FMO2: variants seen among roughly 807,000 people sequenced by gnomAD.
The protein encoded by FMO2 is flavin-containing monooxygenase 2.
Under a neutral mutation model 41.6 loss-of-function variants are expected in FMO2, and 33 were observed. That is an observed-to-expected ratio of 0.79 (90% confidence interval 0.60 to 1.06). The LOEUF (loss-of-function observed/expected upper bound fraction) is 1.06, where lower values mean the gene tolerates loss of function less well. Among genes scored for constraint, FMO2 ranks in the 50% least tolerant of loss-of-function variants. The probability of loss-of-function intolerance (pLI) is 0.00; values close to 1 mark genes in which losing one functional copy is unlikely to be tolerated. For missense variants in FMO2, 619 were observed against 632.9 expected, an observed-to-expected ratio of 0.98 and a Z score of 0.23; for synonymous variants, 214 against 219.6, an observed-to-expected ratio of 0.97 and a Z score of 0.23.
chr1:171,208,709 CATTCCTTT>C (rs1452985855), intron 8 of FMO2, 77 bp from the exon 9 acceptor site: 1 of 1,270,462 alleles, frequency 7.9e-7, no homozygotes, highest in Non-Finnish European at 1.1e-6. Context: ...CTCATTCCTT[CATTCCTTT>C]AGCAGTTTTG....
At position 171,190,874 on chromosome 1, in the gene FMO2, G is replaced by T. The variant is rs549736472; in HGVS notation, c.133-2461G>T. ...AAAAGTTTATCACTTGGCTGGGCGC[G>T]GTGGCTCACGCCTGTAATCCCAGCA... On this transcript the variant is annotated intron_variant, in intron 2 of 8. Coordinates refer to ENST00000209929, the MANE Select transcript of FMO2 (RefSeq NM_001460.5). 1.1e-4 allele frequency among the ~76,000 whole-genome samples: 16 copies of T among 152,178 alleles called. No individual in the cohort carries two copies. The South Asian group carries it at 2.7e-3, about 26-fold the overall frequency.
chr1:171,194,889 T>C (rs1364287257), intron 3 of FMO2, among the ~76,000 whole-genome samples: 1 of 152,226 alleles, frequency 6.6e-6, no homozygotes, highest in East Asian at 1.9e-4. Context: ...TTGGTGAAAA[T>C]TTGTATTTAT....
At chr1:171,193,163 C>T (rs779875872) in intron 2 of FMO2, among the ~76,000 whole-genome samples, 172 bp from the exon 3 acceptor site, 1 of 152,162 alleles carries the variant, frequency 6.6e-6, no homozygotes, top group African/African-American at 2.4e-5. Flanking sequence ...AAACTGGTGT[C>T]GTCACAGAAT....
intron 2 of FMO2, among the ~76,000 whole-genome samples, chr1:171,190,517 T>C (rs1288974429): frequency 6.6e-6 from 1 of 152,206 alleles, no homozygotes; most frequent in Non-Finnish European, 1.5e-5. Flanking sequence ...TGATTGACAA[T>C]AAACCCTCTG....
At chr1:171,188,402 T>C (rs1017688160) in intron 2 of FMO2, among the ~76,000 whole-genome samples, 1 of 152,230 alleles carries the variant, frequency 6.6e-6, no homozygotes, top group Non-Finnish European at 1.5e-5. Context: ...GGGTTAAGTA[T>C]ATAACTGTGG....
chr1:171,190,037 A>G (rs1658016934), intron 2 of FMO2, among the ~76,000 whole-genome samples: 1 of 152,174 alleles, frequency 6.6e-6, no homozygotes, highest in African/African-American at 2.4e-5. Flanking sequence ...AAGCAAAAAT[A>G]TTGATTGGTA....
At chr1:171,197,473 C>G (rs1050495277) in intron 4 of FMO2, among the ~76,000 whole-genome samples, 1 of 152,188 alleles carries the variant, frequency 6.6e-6, no homozygotes, top group Non-Finnish European at 1.5e-5. Flanking sequence ...AATATACAGT[C>G]AGGATTAAGG....
chr1:171,204,877 T>C (rs1658689394), intron 6 of FMO2, among the ~76,000 whole-genome samples: 1 of 152,126 alleles, frequency 6.6e-6, no homozygotes, highest in Admixed American at 6.6e-5. Context: ...ATTTAGCAAA[T>C]TTTTTCTTAT....
chr1:171,205,437 C>T lies in FMO2; in HGVS notation c.986C>T (p.Thr329Ile), dbSNP rs758998237. ...EENIDVIIFA[T>I]GYSFSFPFLE... Reference sequence around the variant, plus strand: ...AACATTGATGTCATCATTTTTGCAACAGGATATAGTTTCTCTTTTCCCTTC... The same window carrying T: ...AACATTGATGTCATCATTTTTGCAATAGGATATAGTTTCTCTTTTCCCTTC... Residue 329 changes from threonine (T) to isoleucine (I), a missense_variant, in exon 7 of 9, where the codon ACA becomes ATA. Physicochemically the swap from Thr to Ile is moderately conservative, Grantham distance 89. Transcript: ENST00000209929. 8 of 1,613,850 alleles carry T rather than the reference C, an allele frequency of 5.0e-6. No individual in the cohort carries two copies. Among genetic ancestry groups the T allele is most frequent in the East Asian group, 2.2e-5 (1 of 44,866 alleles).
At chr1:171,199,763 T>C (rs1439793917) in intron 5 of FMO2, among the ~76,000 whole-genome samples, 1 of 152,172 alleles carries the variant, frequency 6.6e-6, no homozygotes, top group Non-Finnish European at 1.5e-5. Flanking sequence ...ATTTTCCATA[T>C]AAGAGGCCTT....
At chr1:171,205,028 G>A (rs532307814) in intron 6 of FMO2, among the ~76,000 whole-genome samples, 1 of 152,134 alleles carries the variant, frequency 6.6e-6, no homozygotes, top group Non-Finnish European at 1.5e-5. Context: ...AGCCCTTGGG[G>A]ATGCTTCCTT....
At chr1:171,193,159 G>A (rs967407925) in intron 2 of FMO2, among the ~76,000 whole-genome samples, 176 bp from the exon 3 acceptor site, 4 of 152,130 alleles carry the variant, frequency 2.6e-5, no homozygotes, top group African/African-American at 7.2e-5. Flanking sequence ...CAACAAACTG[G>A]TGTCGTCACA....
intron 4 of FMO2, 30 bp from the exon 5 acceptor site, chr1:171,199,316 T>C: frequency 1.3e-6 from 2 of 1,535,686 alleles, no homozygotes; most frequent in Non-Finnish European, 1.7e-6. Context: ...GCTCTGGAGC[T>C]CACAGACTTC....
chr1:171,196,971 T>C (rs1243756330), intron 4 of FMO2, among the ~76,000 whole-genome samples, 160 bp downstream of exon 4: 1 of 152,196 alleles, frequency 6.6e-6, no homozygotes, highest in Non-Finnish European at 1.5e-5. Flanking sequence ...ACATCATCTT[T>C]GTTTCTATTG....
chr1:171,206,042 C>G (rs1658746129), intron 7 of FMO2, among the ~76,000 whole-genome samples: 1 of 152,152 alleles, frequency 6.6e-6, no homozygotes, highest in African/African-American at 2.4e-5. Context: ...CCTCACAAAT[C>G]CCTACAAGTT....
At chr1:171,202,679 A>G (rs551375711) in intron 5 of FMO2, among the ~76,000 whole-genome samples, 4 of 152,330 alleles carry the variant, frequency 2.6e-5, no homozygotes, top group East Asian at 3.9e-4. Flanking sequence ...AAATAATTCA[A>G]CCATGGCAAC....
At chr1:171,191,284 A>G (rs903959829) in intron 2 of FMO2, among the ~76,000 whole-genome samples, 1 of 152,172 alleles carries the variant, frequency 6.6e-6, no homozygotes, top group Non-Finnish European at 1.5e-5. Context: ...CTCAGACATC[A>G]AATCAGTTCT....
intron 7 of FMO2, among the ~76,000 whole-genome samples, chr1:171,207,000 C>T (rs1233384257): frequency 2.6e-5 from 4 of 152,096 alleles, no homozygotes; most frequent in African/African-American, 9.7e-5. Flanking sequence ...ACCAGGTGGA[C>T]AGTAGTGCTG....
At chr1:171,205,837 C>T (rs1188876313) in intron 7 of FMO2, among the ~76,000 whole-genome samples, 1 of 152,156 alleles carries the variant, frequency 6.6e-6, no homozygotes, top group East Asian at 1.9e-4. Context: ...TAAATACCTG[C>T]AATCATCCTT....
Sources: allele counts gnomAD v4.1 joint callset (sites outside exome capture counted in the v4.1 genomes callset), GRCh38; gene constraint gnomAD v4.1.1; transcripts MANE v1.5; gene names NCBI Gene and HGNC (gene_info 2026-07-23, HGNC 2026-07-21).